The following NDUFAF4 variants were observed in gnomAD, a reference collection of about 807,000 sequenced individuals.
The protein encoded by NDUFAF4 is NADH:ubiquinone oxidoreductase complex assembly factor 4.
Under a neutral mutation model 15.6 loss-of-function variants are expected in NDUFAF4, and 10 were observed. That is an observed-to-expected ratio of 0.64 (90% confidence interval 0.40 to 1.09). The LOEUF (loss-of-function observed/expected upper bound fraction) is 1.09. Ranked by LOEUF, NDUFAF4 falls within the 50% of genes least tolerant of loss-of-function variation. The pLI, the probability that NDUFAF4 is intolerant of heterozygous loss-of-function variation, is 0.01. For synonymous variants in NDUFAF4, 77 were observed against 73.3 expected, an observed-to-expected ratio of 1.05 and a Z score of -0.26; for missense variants, 203 against 207.3, an observed-to-expected ratio of 0.98 and a Z score of 0.13.
chr6:96,893,130 C>G (rs186767807), intron 2 of NDUFAF4, among the ~76,000 whole-genome samples: 2 of 152,206 alleles, frequency 1.3e-5, no homozygotes, highest in African/African-American at 4.8e-5. Context: ...AATCAATGAC[C>G]AAATCCTGTT....
At chr6:96,894,998 A>T (rs2127974848) in intron 2 of NDUFAF4, among the ~76,000 whole-genome samples, 1 of 152,348 alleles carries the variant, frequency 6.6e-6, no homozygotes, top group African/African-American at 2.4e-5. Context: ...TCTAGTGTAT[A>T]AATAGAAAAA....
chr6:96,891,345 G>A lies in NDUFAF4; in HGVS notation c.287C>T (p.Pro96Leu), dbSNP rs759738302. 20 of 1,613,184 alleles carry A rather than the reference G, an allele frequency of 1.2e-5. No individual in the cohort carries two copies. The highest frequency in any genetic ancestry group is 4.5e-5 in the East Asian group (2 of 44,848). Residue 96 changes from proline (P) to leucine (L), a missense_variant, in exon 3 of 3, where the codon CCG becomes CTG. Coordinates refer to ENST00000316149, the MANE Select transcript of NDUFAF4 (RefSeq NM_014165.4). ...TATCATATCAAAATGATGGTCTTTC[G>A]GCAATCTGAATTCCTTCGGCTCTTG... ...TCQEPKEFRLPKDHHFDMINI... is the reference protein window; with the variant it reads ...TCQEPKEFRLLKDHHFDMINI...
rs1775406837 is a variant in NDUFAF4, at chr6:96,897,719, G to A, written c.83C>T (p.Ser28Phe). Residue 28 changes from serine to phenylalanine, a missense_variant, in exon 1 of 3, where the codon TCT (serine) becomes TTT (phenylalanine). Physicochemically the swap from Ser to Phe is radical, Grantham distance 155 (BLOSUM62 -2). Transcript: ENST00000316149. ...AEREISKMKP[S>F]VAPRHPSTNS... is the part of the protein sequence containing the mutation. ...GGTAGAGGGGTGTCTGGGAGCGACA[G>A]AGGGCTTCATCTTGCTGATTTCCCG... 2 of 1,614,206 alleles carry A rather than the reference G, an allele frequency of 1.2e-6. No individual in the cohort carries two copies. The highest frequency in any genetic ancestry group is 1.6e-4 in the Middle Eastern group (1 of 6,062).
rs1206588605 is a variant in NDUFAF4, at chr6:96,892,774, T to C, written c.241-1383A>G. 4.6e-5 allele frequency among the ~76,000 whole-genome samples: 7 copies of C among 152,114 alleles called. No homozygotes were observed. In the East Asian group the frequency reaches 1.2e-3, roughly 25 times the overall value. On this transcript the variant is annotated intron_variant, in intron 2 of 2. Transcript: ENST00000316149. ...TGGACCCTTTTCCTTTTGCTTACCC[T>C]TAAATGTCAGTGTGTGACATTTAAG...
chr6:96,896,803 G>T lies in NDUFAF4; in HGVS notation c.181C>A (p.Leu61Met), dbSNP rs753767363. The change falls in exon 2 of 3, where the codon CTG becomes ATG. Residue 61 changes from leucine (L) to methionine (M), a missense_variant. By Grantham distance (15) the Leu-to-Met change is conservative. Transcript: ENST00000316149. ...TACACATCTTTTAGAAACGACAGCA[G>T]CTTTTCATCTTTACGAGCAATCTCT... ...KGEIARKDEK[L>M]LSFLKDVYVD... The T allele has an allele frequency of 1.2e-5, 20 of 1,613,858 alleles. No individual in the cohort carries two copies. Among genetic ancestry groups the T allele is most frequent in the Non-Finnish European group, 1.7e-5 (20 of 1,179,940 alleles).
In NDUFAF4 at chr6:96,895,221, G is replaced by A. The variant is rs560298779; in HGVS notation, c.240+1523C>T. ...TATAAAATGTAGTTATAAAACTACT[G>A]GAAGAAAATACAGAAGAGTTTATAT... On this transcript the variant is annotated intron_variant, in intron 2 of 2. Coordinates refer to ENST00000316149, the MANE Select transcript of NDUFAF4 (RefSeq NM_014165.4). 2.6e-5 allele frequency among the ~76,000 whole-genome samples: 4 copies of A among 152,136 alleles called. No individual in the cohort carries two copies. In the South Asian group the frequency reaches 8.3e-4, roughly 32 times the overall value.
At chr6:96,896,521 A>G (rs1775375159) in intron 2 of NDUFAF4, among the ~76,000 whole-genome samples, 1 of 152,266 alleles carries the variant, frequency 6.6e-6, no homozygotes, top group African/African-American at 2.4e-5. Context: ...TGCTTGTATC[A>G]ATACTTCCAC....
intron 2 of NDUFAF4, among the ~76,000 whole-genome samples, chr6:96,893,441 C>T (rs1487004936): frequency 3.3e-5 from 5 of 152,134 alleles, no homozygotes; most frequent in Non-Finnish European, 7.4e-5. Flanking sequence ...CTCACTTCTC[C>T]CAAATTCACA....
Position 96,894,215 on chromosome 6 carries a change from G to C in NDUFAF4, c.240+2529C>G, listed in dbSNP as rs146881109. Among the ~76,000 whole-genome samples the C allele has an allele frequency of 2.7e-3, 410 of 152,262 alleles. 2 individuals carry two copies. The highest frequency in any genetic ancestry group is 9.6e-3 in the African/African-American group (399 of 41,552). ...ATTCTTACGCTATCCATTCCATCCT[G>C]TCTAGGATGTGAATCCTCCCTTTGT... On this transcript the variant is annotated intron_variant, in intron 2 of 2. Coordinates refer to ENST00000316149, the MANE Select transcript of NDUFAF4 (RefSeq NM_014165.4).
chr6:96,891,347 C>T lies in NDUFAF4; in HGVS notation c.285G>A (p.Leu95=). 6.2e-7 allele frequency: 1 copy of T among 1,612,992 alleles called. No individual in the cohort carries two copies. The highest frequency in any genetic ancestry group is 1.3e-5 in the African/African-American group (1 of 74,798). The change falls in exon 3 of 3, where the codon TTG becomes TTA. Residue 95 remains leucine (L), a synonymous_variant. Coordinates refer to ENST00000316149, the MANE Select transcript of NDUFAF4 (RefSeq NM_014165.4). Reference sequence around the variant, plus strand: ...TCATATCAAAATGATGGTCTTTCGGCAATCTGAATTCCTTCGGCTCTTGAC... The same window carrying T: ...TCATATCAAAATGATGGTCTTTCGGTAATCTGAATTCCTTCGGCTCTTGAC... ...ETCQEPKEFR[L]PKDHHFDMIN...
intron 2 of NDUFAF4, 71 bp from the exon 3 acceptor site, chr6:96,891,462 T>A: frequency 7.1e-7 from 1 of 1,399,032 alleles, no homozygotes; most frequent in Non-Finnish European, 1.0e-6. Context: ...TTCTCAAATC[T>A]ACACTATTCC....
chr6:96,897,863 T>A lies in NDUFAF4; in HGVS notation c.-62A>T. On this transcript the variant is annotated 5_prime_UTR_variant, in exon 1 of 3. Transcript: ENST00000316149. ...CGTGGGAACACCGGCGCAGGACAAC[T>A]CCGGGACACCCGGAGCATGCGCACA... The A allele has an allele frequency of 6.2e-7, 1 of 1,608,412 alleles. No homozygotes were observed. The highest frequency in any genetic ancestry group is 8.5e-7 in the Non-Finnish European group (1 of 1,175,690).
chr6:96,896,740 T>A lies in NDUFAF4; in HGVS notation c.240+4A>T, dbSNP rs780820503. ...TGTATTCACTTAATTAAACACACAT[T>A]TACCTGCAAGGAAGACACAGGATCT... On this transcript the variant is annotated splice_donor_region_variant and intron_variant, in intron 2 of 2. Coordinates refer to ENST00000316149, the MANE Select transcript of NDUFAF4 (RefSeq NM_014165.4). The A allele has an allele frequency of 1.9e-6, 3 of 1,603,468 alleles. No homozygotes were observed. The African/African-American group carries it at 4.0e-5, about 21-fold the overall frequency.
Position 96,897,762 on chromosome 6 carries a change from G to T in NDUFAF4, c.40C>A (p.Leu14Ile), listed in dbSNP as rs145392673. ...ATTTCCCGTTCCGCTCGGTTCTCTA[G>T]GTTGAAATTCCTGATACCGCGAATC... ...LVIRGIRNFNLENRAEREISK... is the reference protein window; with the variant it reads ...LVIRGIRNFNIENRAEREISK... The change falls in exon 1 of 3, where the codon CTA becomes ATA. Residue 14 changes from leucine to isoleucine, a missense_variant. Coordinates refer to ENST00000316149, the MANE Select transcript of NDUFAF4 (RefSeq NM_014165.4). 7.2e-4 allele frequency: 1,160 copies of T among 1,614,186 alleles called. 6 individuals carry two copies. In the African/African-American group the frequency reaches 0.011, roughly 15 times the overall value.
chr6:96,892,357 G>A (rs191936013), intron 2 of NDUFAF4, among the ~76,000 whole-genome samples: 1 of 152,208 alleles, frequency 6.6e-6, no homozygotes, highest in East Asian at 1.9e-4. Context: ...TTCCATTCTT[G>A]TTTCCTAGCT....
Position 96,890,644 on chromosome 6 carries a change from C to T in NDUFAF4, c.*460G>A, listed in dbSNP as rs1401350267. On this transcript the variant is annotated 3_prime_UTR_variant, in exon 3 of 3. Transcript: ENST00000316149. Reference sequence around the variant, plus strand: ...ATTTGGGAACTACTGTTAGTCTACCCTGCTATCGAGTCTCTTTCCCTAACG... The same window carrying T: ...ATTTGGGAACTACTGTTAGTCTACCTTGCTATCGAGTCTCTTTCCCTAACG... The T allele has an allele frequency of 6.3e-6, 1 of 157,888 alleles. No individual in the cohort carries two copies. The highest frequency in any genetic ancestry group is 1.4e-5 in the Non-Finnish European group (1 of 71,984). 9.8% of individuals were successfully genotyped at this position (157,888 alleles called of 1,614,324 possible). A position where few individuals can be genotyped will look rare whatever the true frequency, so the allele number is the denominator to read the frequency against.
At chr6:96,897,547 A>G in intron 1 of NDUFAF4, 119 bp downstream of exon 1, 2 of 1,440,012 alleles carry the variant, frequency 1.4e-6, no homozygotes, top group Non-Finnish European at 1.9e-6. Context: ...CGCCAACCCG[A>G]GCGGCTGCGG....
Position 96,891,364 on chromosome 6 carries a change from G to T in NDUFAF4, c.268C>A (p.Pro90Thr). ...TCTTTCGGCAATCTGAATTCCTTCG[G>T]CTCTTGACATGTTTCAGCAGCTTTT... The part of the protein sequence containing the change: ...QVKAAETCQE[P>T]KEFRLPKDHH... The change falls in exon 3 of 3, where the codon CCG (proline) becomes ACG (threonine). Residue 90 changes from proline (P) to threonine (T), a missense_variant. By Grantham distance (38) the Pro-to-Thr change is conservative (BLOSUM62 -1). Coordinates refer to ENST00000316149, the MANE Select transcript of NDUFAF4 (RefSeq NM_014165.4). The T allele has an allele frequency of 6.2e-7, 1 of 1,611,664 alleles. No individual in the cohort carries two copies. Among genetic ancestry groups the T allele is most frequent in the East Asian group, 2.2e-5 (1 of 44,726 alleles).
intron 2 of NDUFAF4, among the ~76,000 whole-genome samples, chr6:96,896,310 A>T (rs1775371178): frequency 6.6e-6 from 1 of 152,180 alleles, no homozygotes; most frequent in Non-Finnish European, 1.5e-5. Flanking sequence ...TACATCCTTA[A>T]AAAAACAAAC....
Sources: allele counts gnomAD v4.1 joint callset (sites outside exome capture counted in the v4.1 genomes callset), GRCh38; gene constraint gnomAD v4.1.1; transcripts MANE v1.5; gene names NCBI Gene and HGNC (gene_info 2026-07-23, HGNC 2026-07-21).